Variants in ERBB4 observed in about 807,000 individuals in gnomAD.
ERBB4 encodes the protein erb-b2 receptor tyrosine kinase 4, also known as receptor tyrosine-protein kinase erbB-4.
Under a neutral mutation model 158.0 loss-of-function variants are expected in ERBB4, and 42 were observed. The observed-to-expected ratio is 0.27, with a 90% CI of 0.21 to 0.34. ERBB4 has a LOEUF of 0.34. Among genes scored for constraint, ERBB4 ranks in the 10% least tolerant of loss-of-function variants. The probability of loss-of-function intolerance (pLI) is 1.00; values close to 1 mark genes in which losing one functional copy is unlikely to be tolerated. For missense variants in ERBB4, 1,333 were observed against 1,624.1 expected, an observed-to-expected ratio of 0.82 and a Z score of 3.08; for synonymous variants, 583 against 558.7, an observed-to-expected ratio of 1.04 and a Z score of -0.61.
intron 1 of ERBB4, among the ~76,000 whole-genome samples, chr2:212,387,354 T>C (rs1274155972): frequency 6.6e-6 from 1 of 152,154 alleles, no homozygotes; most frequent in Non-Finnish European, 1.5e-5. Flanking sequence ...TTGAAGAATT[T>C]GGGCCTCATG....
intron 2 of ERBB4, among the ~76,000 whole-genome samples, chr2:211,959,730 C>A (rs190975329): frequency 6.6e-6 from 1 of 152,170 alleles, no homozygotes; most frequent in Non-Finnish European, 1.5e-5. Context: ...TAAAATATCA[C>A]CTTTTTGCCT....
intron 19 of ERBB4, among the ~76,000 whole-genome samples, chr2:211,580,801 T>TCAC (rs1553575752): frequency 2.1e-4 from 6 of 28,470 alleles, no homozygotes; most frequent in African/African-American, 7.1e-4. Context: ...TATATATATA[T>TCAC]ATATATATAT....
intron 4 of ERBB4, among the ~76,000 whole-genome samples, chr2:211,774,046 TC>T (rs1228876581): frequency 1.3e-5 from 2 of 151,824 alleles, no homozygotes; most frequent in Non-Finnish European, 2.9e-5. Flanking sequence ...CTTAGATTGT[TC>T]AGATGCTCTG....
intron 1 of ERBB4, among the ~76,000 whole-genome samples, chr2:212,243,110 T>A (rs887485371): frequency 2.0e-5 from 3 of 152,202 alleles, no homozygotes; most frequent in Non-Finnish European, 4.4e-5. Flanking sequence ...CTTGTAATAC[T>A]AATGTGGCTT....
chr2:212,004,084 G>T (rs761897133), intron 2 of ERBB4, among the ~76,000 whole-genome samples: 5 of 152,066 alleles, frequency 3.3e-5, no homozygotes, highest in African/African-American at 7.2e-5. Context: ...ATCCAGATAT[G>T]CATGGACTGC....
At chr2:211,991,366 T>C (rs944430781) in intron 2 of ERBB4, among the ~76,000 whole-genome samples, 1 of 152,118 alleles carries the variant, frequency 6.6e-6, no homozygotes, top group Non-Finnish European at 1.5e-5. Flanking sequence ...CTAAAGCTTT[T>C]ACATTTAAAT....
intron 1 of ERBB4, among the ~76,000 whole-genome samples, chr2:212,157,257 A>C (rs953254729): frequency 1.3e-5 from 2 of 152,074 alleles, no homozygotes; most frequent in Admixed American, 6.6e-5. Context: ...TGCATGACTA[A>C]CCTCAGCTGA....
At position 211,510,196 on chromosome 2, in the gene ERBB4, C is replaced by CAATG. The variant is rs549901578; in HGVS notation, c.2487+51703_2487+51706dup. Among the ~76,000 whole-genome samples the CAATG allele has an allele frequency of 2.8e-3, 433 of 152,182 alleles. 4 individuals carry two copies. The highest frequency in any genetic ancestry group is 9.6e-3 in the African/African-American group (399 of 41,556). ...ATGGAATTAAACCTAAGTTGACCATCAATGGGTGGTTGGATAAAGAAAATA... is the reference window on the plus strand; with the variant it reads ...ATGGAATTAAACCTAAGTTGACCATCAATGAATGGGTGGTTGGATAAAGAAAATA... On this transcript the variant is annotated intron_variant, in intron 20 of 27. Transcript: ENST00000342788.
chr2:212,140,718 CTAAAA>C (rs1253047345), intron 1 of ERBB4, among the ~76,000 whole-genome samples: 4 of 150,744 alleles, frequency 2.7e-5, no homozygotes, highest in Admixed American at 6.6e-5. Context: ...TTTAAAATAT[CTAAAA>C]TAAAAGTAAA....
chr2:211,539,768 G>A (rs549579124), intron 20 of ERBB4, among the ~76,000 whole-genome samples: 2 of 151,942 alleles, frequency 1.3e-5, no homozygotes, highest in Non-Finnish European at 2.9e-5. Context: ...AGAGAAGGCA[G>A]AAATACAAAG....
At chr2:211,673,517 C>CAAAAA (rs71054125) in intron 13 of ERBB4, among the ~76,000 whole-genome samples, 19 of 54,106 alleles carry the variant, frequency 3.5e-4, no homozygotes, top group African/African-American at 5.8e-4. Context: ...CCAGCAATCT[C>CAAAAA]AAAAAAAAAA....
intron 1 of ERBB4, among the ~76,000 whole-genome samples, chr2:212,383,839 C>T (rs1009070530): frequency 1.3e-5 from 2 of 151,678 alleles, no homozygotes; most frequent in Admixed American, 6.6e-5. Context: ...TAATTAGGCA[C>T]ATGTCAGGCT....
chr2:211,430,767 G>GAT (rs1474891636), intron 21 of ERBB4, among the ~76,000 whole-genome samples, 178 bp downstream of exon 21: 7 of 86,834 alleles, frequency 8.1e-5, no homozygotes, highest in Non-Finnish European at 1.2e-4. Context: ...GTGTGTATAT[G>GAT]ATATATATAT....
rs554454000 is a variant in ERBB4 at position 212,042,523 on chromosome 2, C to T, written c.234+82229G>A. Among the ~76,000 whole-genome samples, 11 of 152,072 alleles carry T rather than the reference C, an allele frequency of 7.2e-5. No individual in the cohort carries two copies. In the South Asian group the frequency reaches 1.7e-3, roughly 23 times the overall value. On this transcript the variant is annotated intron_variant, in intron 2 of 27. Transcript: ENST00000342788. ...TCAATGAAAGCAACCAGGTGCTTTC[C>T]GTTATTATTTTTTCTTTTTGTTTTT...
intron 2 of ERBB4, among the ~76,000 whole-genome samples, chr2:211,963,119 A>C (rs2081223826): frequency 6.6e-6 from 1 of 152,144 alleles, no homozygotes; most frequent in African/African-American, 2.4e-5. Context: ...ACATAGGTCC[A>C]AAACAGTGGT....
At chr2:211,434,789 A>AC (rs2063815647) in intron 20 of ERBB4, among the ~76,000 whole-genome samples, 1 of 152,208 alleles carries the variant, frequency 6.6e-6, no homozygotes, top group South Asian at 2.1e-4. Flanking sequence ...CACCCACCTG[A>AC]CCATCACTAA....
intron 15 of ERBB4, 91 bp downstream of exon 15, chr2:211,665,232 G>A (rs1050858307): frequency 8.0e-7 from 1 of 1,246,310 alleles, no homozygotes; most frequent in African/African-American, 1.5e-5. Context: ...AGTTCTATGA[G>A]AATGGTATAC....
chr2:211,748,499 T>C (rs2075037453), intron 5 of ERBB4, among the ~76,000 whole-genome samples: 1 of 152,118 alleles, frequency 6.6e-6, no homozygotes, highest in Admixed American at 6.5e-5. Flanking sequence ...GTGTCTTAAG[T>C]GCCCCTACTC....
intron 2 of ERBB4, among the ~76,000 whole-genome samples, chr2:212,027,480 T>G (rs187318899): frequency 3.3e-5 from 5 of 152,232 alleles, no homozygotes; most frequent in Admixed American, 2.0e-4. Context: ...TTATTTTTAC[T>G]ACATAAACAA....
Sources: gnomAD v4.1 joint callset for allele counts (sites outside exome capture counted in the v4.1 genomes callset) on GRCh38, gnomAD v4.1.1 for gene constraint, MANE v1.5 for transcripts, NCBI Gene and HGNC (gene_info 2026-07-23, HGNC 2026-07-21) for gene names.